Variants in ATP2B2 observed in about 807,000 individuals in gnomAD.
The protein encoded by ATP2B2 is ATPase plasma membrane Ca2+ transporting 2.
Under a neutral mutation model 120.0 loss-of-function variants are expected in ATP2B2, and 15 were observed. That is an observed-to-expected ratio of 0.12 (90% CI 0.08 to 0.19). ATP2B2 has a LOEUF of 0.19. ATP2B2 is among the 10% of genes least tolerant of loss of function. ATP2B2 has a pLI of 1.00. For synonymous variants in ATP2B2, 694 were observed against 700.3 expected (o/e 0.99, Z 0.14); for missense variants, 1,045 against 1,719.8 (o/e 0.61, Z 6.94).
At chr3:10,639,011 T>C (rs1367209720) in intron 1 of ATP2B2, among the ~76,000 whole-genome samples, 3 of 152,176 alleles carry the variant, frequency 2.0e-5, no homozygotes, top group African/African-American at 4.8e-5. Context: ...TCGTTGGAGA[T>C]TTCAATACTT....
At chr3:10,575,068 A>C (rs1486557858) in intron 2 of ATP2B2, among the ~76,000 whole-genome samples, 4 of 152,182 alleles carry the variant, frequency 2.6e-5, no homozygotes, top group Non-Finnish European at 4.4e-5. Flanking sequence ...TCCTTGGTGA[A>C]GTCCCCGCTG....
Position 10,402,481 on chromosome 3 carries a change from G to T in ATP2B2, c.398-133C>A, listed in dbSNP as rs778686461. ...GATGATAATTATCCACTTACTCAGT[G>T]TGTCTGGGTACCAAGCCCTGTGGAA... is the stretch of plus-strand genomic sequence containing the variant. On this transcript the variant is annotated intron_variant, in intron 3 of 22. Transcript: ENST00000360273. The surrounding 1 kb of genome is among the most constrained non-coding windows in gnomAD (Gnocchi z 4.9). 1.5e-6 allele frequency: 2 copies of T among 1,336,806 alleles called. No homozygotes were observed. The highest frequency in any genetic ancestry group is 2.1e-6 in the Non-Finnish European group (2 of 950,684). The allele number at this position is 1,336,806 out of a possible 1,614,324, so 82.8% of individuals were successfully genotyped here. A position where few individuals can be genotyped will look rare whatever the true frequency, so the allele number is the denominator to read the frequency against.
chr3:10,457,337 A>T (rs1177238368), intron 1 of ATP2B2, among the ~76,000 whole-genome samples: 1 of 152,038 alleles, frequency 6.6e-6, no homozygotes, highest in Non-Finnish European at 1.5e-5. Flanking sequence ...GGAGTGCATT[A>T]TGGTGGTTTT....
chr3:10,645,108 A>AAG (rs148258189), intron 1 of ATP2B2, among the ~76,000 whole-genome samples: 3 of 150,886 alleles, frequency 2.0e-5, no homozygotes, highest in Admixed American at 6.6e-5. Context: ...TGGGGGAGAA[A>AAG]AGAGAGAGAG....
chr3:10,352,496 C>A (rs984074365), intron 14 of ATP2B2, among the ~76,000 whole-genome samples: 2 of 152,186 alleles, frequency 1.3e-5, no homozygotes, highest in Non-Finnish European at 2.9e-5. Flanking sequence ...TCTAAGAGAC[C>A]GGCTCTGTGG....
At chr3:10,696,280 G>A (rs908526512) in intron 1 of ATP2B2, among the ~76,000 whole-genome samples, 8 of 152,238 alleles carry the variant, frequency 5.3e-5, no homozygotes, top group South Asian at 2.1e-4. Flanking sequence ...CATGTTCTCC[G>A]GCATAATTGC....
In ATP2B2 at chr3:10,342,757, A is replaced by G; in HGVS notation, c.2912T>C (p.Phe971Ser). ...YQLALIFTLL[F>S]VGEKMFQIDS... ...TGGGTGGGCGAGGCGCTCACCAACA[A>G]AGAGCAGGGTGAAGATGAGGGCAAG... Residue 971 changes from phenylalanine to serine, a missense_variant, in exon 19 of 23, where the codon TTT (phenylalanine) becomes TCT (serine). Phe to Ser is a radical substitution (Grantham distance 155). Around this residue, in one of 11 missense-constraint regions of ATP2B2, gnomAD observed 211 missense variants for 385.1 expected, o/e 0.55. Coordinates refer to ENST00000360273, the MANE Select transcript of ATP2B2 (RefSeq NM_001001331.4). This position sits in a 1 kb window ranked among gnomAD's most constrained non-coding sequence, Gnocchi z 4.4. The G allele has an allele frequency of 6.2e-7, 1 of 1,614,116 alleles. No homozygotes were observed. The highest frequency in any genetic ancestry group is 8.5e-7 in the Non-Finnish European group (1 of 1,180,018).
chr3:10,397,209 C>T (rs2062066934), intron 5 of ATP2B2, among the ~76,000 whole-genome samples: 1 of 152,170 alleles, frequency 6.6e-6, no homozygotes, highest in Non-Finnish European at 1.5e-5. Context: ...GTGAGCTGGG[C>T]ACAACCTCCT....
intron 2 of ATP2B2, among the ~76,000 whole-genome samples, chr3:10,567,788 A>C (rs2068040937): frequency 6.6e-6 from 1 of 152,134 alleles, no homozygotes; most frequent in African/African-American, 2.4e-5. Flanking sequence ...CCAGCCTGGG[A>C]GCTTCTTGAG....
At chr3:10,538,015 C>A (rs950094567) in intron 2 of ATP2B2, among the ~76,000 whole-genome samples, 5 of 152,132 alleles carry the variant, frequency 3.3e-5, no homozygotes, top group African/African-American at 9.7e-5. Flanking sequence ...ATGCATAATT[C>A]TTTTTACACA....
chr3:10,401,978 A>T, intron 4 of ATP2B2, 113 bp downstream of exon 4: 1 of 1,550,874 alleles, frequency 6.4e-7, no homozygotes, highest in Non-Finnish European at 8.8e-7. Context: ...GTTTGGGATC[A>T]GCCTTCAGGA....
At chr3:10,697,271 A>G (rs1183758859) in intron 1 of ATP2B2, among the ~76,000 whole-genome samples, 2 of 152,088 alleles carry the variant, frequency 1.3e-5, no homozygotes, top group Non-Finnish European at 2.9e-5. Context: ...GGCCCTGAAT[A>G]GTCATCACAG....
intron 2 of ATP2B2, among the ~76,000 whole-genome samples, chr3:10,539,011 A>G (rs2067376894): frequency 1.3e-5 from 2 of 152,234 alleles, no homozygotes; most frequent in African/African-American, 4.8e-5. Flanking sequence ...TTAAGCTAAT[A>G]AGCAACTTCA....
At chr3:10,574,324 G>A (rs1431447369) in intron 2 of ATP2B2, among the ~76,000 whole-genome samples, 1 of 152,210 alleles carries the variant, frequency 6.6e-6, no homozygotes, top group Non-Finnish European at 1.5e-5. Flanking sequence ...CGAGGTGGCT[G>A]AGCTGTGCCC....
chr3:10,555,873 T>G (rs370110151), intron 2 of ATP2B2, among the ~76,000 whole-genome samples: 54 of 152,208 alleles, frequency 3.5e-4, no homozygotes, highest in African/African-American at 1.3e-3. Context: ...TCTCTGTGGC[T>G]TTCTTTGTGA....
chr3:10,531,735 A>G (rs1287210430), intron 3 of ATP2B2, among the ~76,000 whole-genome samples: 2 of 152,182 alleles, frequency 1.3e-5, no homozygotes, highest in Admixed American at 1.3e-4. Flanking sequence ...AAAATTGTAC[A>G]TGCCACAGGC....
intron 3 of ATP2B2, among the ~76,000 whole-genome samples, chr3:10,407,725 G>T (rs1341925720): frequency 2.0e-5 from 3 of 152,200 alleles, no homozygotes; most frequent in Non-Finnish European, 2.9e-5. Context: ...TACTAGAATT[G>T]TGGGGTGTTG....
In ATP2B2 at chr3:10,372,004, C is replaced by A; in HGVS notation, c.1464G>T (p.Glu488Asp). The A allele has an allele frequency of 6.2e-7, 1 of 1,614,194 alleles. No homozygotes were observed. Among genetic ancestry groups the A allele is most frequent in the Non-Finnish European group, 8.5e-7 (1 of 1,180,040 alleles). The change falls in exon 12 of 23, where the codon GAG becomes GAT. Residue 488 changes from glutamate (E) to aspartate (D), a missense_variant. By Grantham distance (45) the Glu-to-Asp change is conservative (BLOSUM62 2). Transcript: ENST00000360273. The stretch of plus-strand genomic sequence containing the variant: ...AGATGGCTGTGGCATTGCCCATGGT[C>A]TCACAGGCATCCAGGTGGCGTACCA... ...NNLVRHLDAC[E>D]TMGNATAICS...
intron 1 of ATP2B2, among the ~76,000 whole-genome samples, chr3:10,676,071 A>C (rs2071234201): frequency 6.6e-6 from 1 of 152,194 alleles, no homozygotes; most frequent in South Asian, 2.1e-4. Context: ...ATAAAGGCAG[A>C]GATTGGATGT....
Sources: allele counts gnomAD v4.1 joint callset (sites outside exome capture counted in the v4.1 genomes callset), GRCh38; gene constraint gnomAD v4.1.1; regional missense constraint gnomAD v4.1.1; non-coding constraint Gnocchi (gnomAD v3.1); transcripts MANE v1.5; gene names NCBI Gene and HGNC (gene_info 2026-07-23, HGNC 2026-07-21).